The following ENTPD4 variants were observed in gnomAD, a reference collection of about 807,000 sequenced individuals.
The protein encoded by ENTPD4 is ectonucleoside triphosphate diphosphohydrolase 4.
In ENTPD4, 60 loss-of-function variants were observed where a neutral mutation model predicts 79.1. That is an observed-to-expected ratio of 0.76 (90% CI 0.62 to 0.94). The LOEUF is 0.94. Ranked by LOEUF, ENTPD4 falls within the 40% of genes least tolerant of loss-of-function variation. The pLI, the probability that ENTPD4 is intolerant of heterozygous loss-of-function variation, is 0.00. For synonymous variants in ENTPD4, 276 were observed against 292.0 expected (o/e 0.95, Z 0.56); for missense variants, 772 against 775.1 (o/e 1.00, Z 0.05).
intron 1 of ENTPD4, among the ~76,000 whole-genome samples, chr8:23,451,077 T>C (rs1208672757): frequency 6.7e-6 from 1 of 149,606 alleles, no homozygotes; most frequent in Non-Finnish European, 1.5e-5. Flanking sequence ...GCTGGTGGAG[T>C]GCAATGGCAC....
intron 1 of ENTPD4, among the ~76,000 whole-genome samples, chr8:23,452,638 A>C (rs1426050848): frequency 1.3e-5 from 2 of 152,238 alleles, no homozygotes; most frequent in South Asian, 4.1e-4. Context: ...CTCTTTGCAC[A>C]GTACTGATCT....
chr8:23,452,498 T>C (rs912485441), intron 1 of ENTPD4, among the ~76,000 whole-genome samples: 4 of 152,228 alleles, frequency 2.6e-5, no homozygotes, highest in Non-Finnish European at 5.9e-5. Context: ...TTATTTAAAG[T>C]AATTAAATTT....
At position 23,442,451 on chromosome 8, in the gene ENTPD4, C is replaced by T. The variant is rs1015083740; in HGVS notation, c.668-385G>A. On this transcript the variant is annotated intron_variant, in intron 6 of 12. Transcript: ENST00000358689. ...CTGTAATCCCAGCACTTTGTGAGGC[C>T]GAGGCAGGCAGATCATGAGGTCAAG... Among the ~76,000 whole-genome samples, 9 of 152,162 alleles carry T rather than the reference C, an allele frequency of 5.9e-5. No individual in the cohort carries two copies. The East Asian group carries it at 7.7e-4, about 13-fold the overall frequency.
intron 3 of ENTPD4, among the ~76,000 whole-genome samples, chr8:23,448,360 G>C (rs1361422777): frequency 6.6e-6 from 1 of 152,170 alleles, no homozygotes; most frequent in Non-Finnish European, 1.5e-5. Flanking sequence ...TGAAATGATG[G>C]TGTTATGGTC....
chr8:23,445,682 A>G (rs1484763378), intron 4 of ENTPD4, among the ~76,000 whole-genome samples: 1 of 152,256 alleles, frequency 6.6e-6, no homozygotes, highest in Admixed American at 6.5e-5. Context: ...TCCTTTTGCT[A>G]GATGTACATT....
At chr8:23,456,373 TTAACCTGTTACA>T (rs1800958471) in intron 1 of ENTPD4, among the ~76,000 whole-genome samples, 1 of 152,254 alleles carries the variant, frequency 6.6e-6, no homozygotes, top group Admixed American at 6.5e-5. Context: ...TTGTCAAGAT[TTAACCTGTTACA>T]CATCCTGATG....
At position 23,447,892 on chromosome 8, in the gene ENTPD4, T is replaced by C. The variant is rs748380084; in HGVS notation, c.207-7A>G. The C allele has an allele frequency of 1.4e-5, 22 of 1,611,176 alleles. 1 individual carries two copies. The South Asian group carries it at 1.5e-4, about 11-fold the overall frequency. On this transcript the variant is annotated splice_polypyrimidine_tract_variant and splice_region_variant and intron_variant, in intron 3 of 12. Coordinates refer to ENST00000358689, the MANE Select transcript of ENTPD4 (RefSeq NM_004901.5). ...GGTAACTCGTGCCAGGTACCTTGTA[T>C]AGAAACACACGTATGCTTTGATTTA...
Position 23,432,767 on chromosome 8 carries a change from G to A in ENTPD4, c.*159C>T. The A allele has an allele frequency of 7.1e-7, 1 of 1,417,292 alleles. No homozygotes were observed. Among genetic ancestry groups the A allele is most frequent in the East Asian group, 2.5e-5 (1 of 39,442 alleles). 87.8% of individuals were successfully genotyped at this position (1,417,292 alleles called of 1,614,324 possible). A position where few individuals can be genotyped will look rare whatever the true frequency, so the allele number is the denominator to read the frequency against. On this transcript the variant is annotated 3_prime_UTR_variant, in exon 13 of 13. Coordinates refer to ENST00000358689, the MANE Select transcript of ENTPD4 (RefSeq NM_004901.5). The stretch of plus-strand genomic sequence containing the variant: ...CCCGCCTCGGCCTCCCAAAGTGCTG[G>A]GATTACAGGCGTGAGCCACCGCGCT...
intron 4 of ENTPD4, among the ~76,000 whole-genome samples, chr8:23,446,849 T>A (rs1434175480): frequency 6.6e-6 from 1 of 152,384 alleles, no homozygotes; most frequent in East Asian, 1.9e-4. Flanking sequence ...CTATAATAAT[T>A]ATTATTTATC....
rs1002010663 is a variant in ENTPD4, at chr8:23,442,150, C to G, written c.668-84G>C. The G allele has an allele frequency of 3.3e-6, 3 of 916,558 alleles. No individual in the cohort carries two copies. In the African/African-American group the frequency reaches 4.9e-5, roughly 15 times the overall value. The allele number at this position is 916,558 out of a possible 1,614,324, so 56.8% of individuals were successfully genotyped here. The stretch of plus-strand genomic sequence containing the variant: ...CTATCTGCGCAGTCTGTGCAAACGT[C>G]TCACTTATTTCACTCCCTGATAACC... On this transcript the variant is annotated intron_variant, in intron 6 of 12. Transcript: ENST00000358689.
intron 10 of ENTPD4, 135 bp downstream of exon 10, chr8:23,436,799 C>T: frequency 1.3e-6 from 1 of 742,384 alleles, no homozygotes; most frequent in African/African-American, 1.7e-5. Flanking sequence ...GCAAAGGGAA[C>T]AGGATCCCAA....
At chr8:23,452,361 A>T (rs1800879797) in intron 1 of ENTPD4, among the ~76,000 whole-genome samples, 1 of 152,182 alleles carries the variant, frequency 6.6e-6, no homozygotes, top group Non-Finnish European at 1.5e-5. Flanking sequence ...CAAACAGGGA[A>T]TCATAACTCC....
At chr8:23,440,942 C>T (rs1292170795) in intron 8 of ENTPD4, among the ~76,000 whole-genome samples, 1 of 152,234 alleles carries the variant, frequency 6.6e-6, no homozygotes, top group Non-Finnish European at 1.5e-5. Flanking sequence ...TGCTGCCGCC[C>T]ACCTTTGAGG....
At position 23,438,155 on chromosome 8, in the gene ENTPD4, C is replaced by T. The variant is rs1017492843; in HGVS notation, c.1050-897G>A. On this transcript the variant is annotated intron_variant, in intron 9 of 12. Coordinates refer to ENST00000358689, the MANE Select transcript of ENTPD4 (RefSeq NM_004901.5). ...TCTGTCATCCTATTGTGTGTGCATG[C>T]CTTCAAGCAACAAGAAACAGAGAAG... Among the ~76,000 whole-genome samples the T allele has an allele frequency of 2.6e-5, 4 of 152,258 alleles. No individual in the cohort carries two copies. In the South Asian group the frequency reaches 6.2e-4, roughly 24 times the overall value.
intron 11 of ENTPD4, chr8:23,434,839 G>T: frequency 2.3e-6 from 1 of 433,956 alleles, no homozygotes; most frequent in Non-Finnish European, 3.3e-6. Context: ...AAATGAGATG[G>T]TAGGAAGGTT....
At chr8:23,448,967 A>T in intron 2 of ENTPD4, 28 bp from the exon 3 acceptor site, 9 of 1,578,364 alleles carry the variant, frequency 5.7e-6, no homozygotes, top group Non-Finnish European at 7.8e-6. Context: ...AAGATTTTAA[A>T]GCAATCTGCT....
intron 6 of ENTPD4, among the ~76,000 whole-genome samples, chr8:23,442,747 A>C (rs1342751283): frequency 6.6e-6 from 1 of 151,732 alleles, no homozygotes; most frequent in Non-Finnish European, 1.5e-5. Flanking sequence ...TCAGCTGCCA[A>C]GTCTGATTCT....
intron 3 of ENTPD4, 65 bp downstream of exon 3, chr8:23,448,677 G>A (rs760980635): frequency 1.9e-5 from 26 of 1,337,990 alleles, no homozygotes; most frequent in Non-Finnish European, 2.8e-5. Flanking sequence ...TGTTCCAGCA[G>A]CCTAAAACAG....
At chr8:23,440,423 AAAAG>A (rs1387264701) in intron 8 of ENTPD4, among the ~76,000 whole-genome samples, 2 of 152,264 alleles carry the variant, frequency 1.3e-5, no homozygotes, top group African/African-American at 4.8e-5. Flanking sequence ...AGTAGAAAAA[AAAAG>A]AAATTCACTA....
Sources: gnomAD v4.1 joint callset for allele counts (sites outside exome capture counted in the v4.1 genomes callset) on GRCh38, gnomAD v4.1.1 for gene constraint, MANE v1.5 for transcripts, NCBI Gene and HGNC (gene_info 2026-07-23, HGNC 2026-07-21) for gene names.